Variants in SPATA6 observed in about 807,000 individuals in gnomAD.
The protein encoded by SPATA6 is spermatogenesis associated 6, also known as spermatogenesis-associated protein 6.
Under a neutral mutation model 65.3 loss-of-function variants are expected in SPATA6, and 56 were observed. That is an observed-to-expected ratio of 0.86 (90% CI 0.69 to 1.07). SPATA6 has a LOEUF of 1.07. Among genes scored for constraint, SPATA6 ranks in the 50% least tolerant of loss-of-function variants. The pLI is 0.00. For missense variants in SPATA6, 590 were observed against 594.8 expected (o/e 0.99, Z 0.08); for synonymous variants, 199 against 213.2 (o/e 0.93, Z 0.58).
At chr1:48,294,079 G>A (rs1290293085), downstream of SPATA6, among the ~76,000 whole-genome samples, 3 of 152,254 alleles carry the variant, frequency 2.0e-5, no homozygotes, top group East Asian at 5.8e-4. Context: ...TTAGAAGGAG[G>A]ATTTCTTTCT....
At chr1:48,375,827 A>G (rs1322134711) in intron 9 of SPATA6, among the ~76,000 whole-genome samples, 2 of 152,174 alleles carry the variant, frequency 1.3e-5, no homozygotes, top group Admixed American at 6.5e-5. Context: ...TTCACCAAGG[A>G]TATTTTAGAC....
At chr1:48,466,193 C>A (rs1034818250) in intron 1 of SPATA6, among the ~76,000 whole-genome samples, 10 of 151,948 alleles carry the variant, frequency 6.6e-5, no homozygotes, top group African/African-American at 2.2e-4. Context: ...GCATTAACTA[C>A]TAGTATTTAA....
At chr1:48,400,767 A>G in intron 6 of SPATA6, 1 of 1,297,120 alleles carries the variant, frequency 7.7e-7, no homozygotes, top group South Asian at 1.3e-5. Flanking sequence ...TGCATTTCAT[A>G]CAGACCAGTT....
intron 3 of SPATA6, chr1:48,436,702 A>G: frequency 6.2e-7 from 1 of 1,614,212 alleles, no homozygotes; most frequent in East Asian, 2.2e-5. Flanking sequence ...ACATGGGTAT[A>G]ATGTGAAGTC....
At chr1:48,315,191 A>G (rs1645370748) in intron 11 of SPATA6, among the ~76,000 whole-genome samples, 1 of 152,240 alleles carries the variant, frequency 6.6e-6, no homozygotes, top group Admixed American at 6.5e-5. Flanking sequence ...AACTCATTTT[A>G]TGAGGCGAGC....
chr1:48,301,660 AG>A (rs1644942221), intron 12 of SPATA6, among the ~76,000 whole-genome samples: 1 of 152,114 alleles, frequency 6.6e-6, no homozygotes, highest in Non-Finnish European at 1.5e-5. Flanking sequence ...AAAATAGCAT[AG>A]TACTGGAATA....
chr1:48,311,075 C>T (rs1645195519), intron 11 of SPATA6, among the ~76,000 whole-genome samples: 1 of 151,930 alleles, frequency 6.6e-6, no homozygotes, highest in East Asian at 1.9e-4. Context: ...GAAAATGAGG[C>T]AGTGCTTCTA....
At chr1:48,432,668 G>A (rs1405957289) in intron 3 of SPATA6, among the ~76,000 whole-genome samples, 1 of 152,126 alleles carries the variant, frequency 6.6e-6, no homozygotes, top group Non-Finnish European at 1.5e-5. Context: ...TGGAATCCTT[G>A]TGCAGTTGAA....
At chr1:48,293,911 G>A (rs1390738809), downstream of SPATA6, among the ~76,000 whole-genome samples, 4 of 152,148 alleles carry the variant, frequency 2.6e-5, no homozygotes, top group Non-Finnish European at 5.9e-5. Context: ...AATATTTTGC[G>A]AATGGGTGAA....
chr1:48,363,789 T>C (rs943749628), intron 9 of SPATA6, among the ~76,000 whole-genome samples: 8 of 151,616 alleles, frequency 5.3e-5, no homozygotes, highest in African/African-American at 1.9e-4. Flanking sequence ...TTTCTTTTTT[T>C]ATTTTTTAAA....
intron 3 of SPATA6, among the ~76,000 whole-genome samples, chr1:48,435,798 C>T (rs1654879339): frequency 6.6e-6 from 1 of 152,176 alleles, no homozygotes. Context: ...CCTCCGCGAG[C>T]AGGGCTCTGG....
intron 1 of SPATA6, among the ~76,000 whole-genome samples, chr1:48,464,793 C>A (rs1299318244): frequency 1.3e-5 from 2 of 152,084 alleles, no homozygotes; most frequent in African/African-American, 4.8e-5. Context: ...AGGGAGACAG[C>A]CCAATGGAGC....
In SPATA6 at chr1:48,440,695, G is replaced by A. The variant is rs1655375425; in HGVS notation, c.238+10857C>T. On this transcript the variant is annotated intron_variant, in intron 3 of 12. Coordinates refer to ENST00000371847, the MANE Select transcript of SPATA6 (RefSeq NM_019073.4). ...CCTTCTGCCTTCCTCGAGTGGCTAT[G>A]GGAGGCCTTAAAAAAATATACTGCC... Among the ~76,000 whole-genome samples the A allele has an allele frequency of 1.3e-5, 2 of 152,140 alleles. 1 individual carries two copies. The highest frequency in any genetic ancestry group is 4.8e-5 in the African/African-American group (2 of 41,426).
rs555564895 is a variant in SPATA6 at position 48,345,542 on chromosome 1, C to A, written c.1194+10128G>T. On this transcript the variant is annotated intron_variant, in intron 11 of 12. Transcript: ENST00000371847. Reference sequence around the variant, plus strand: ...TGACACGAAAAACCATTCAAAAGATCAACAAATCCAGGAGCTGTTTTTCTG... The same window carrying A: ...TGACACGAAAAACCATTCAAAAGATAAACAAATCCAGGAGCTGTTTTTCTG... Among the ~76,000 whole-genome samples the A allele has an allele frequency of 5.3e-5, 8 of 152,050 alleles. No homozygotes were observed. In the South Asian group the frequency reaches 1.0e-3, roughly 20 times the overall value.
chr1:48,287,588 A>G, the SPATA6 span, among the ~76,000 whole-genome samples: 4 of 148,528 alleles, frequency 2.7e-5, no homozygotes, highest in East Asian at 3.8e-4. Context: ...GGCTGTTTAA[A>G]AGAGTCTGGG....
intron 3 of SPATA6, among the ~76,000 whole-genome samples, chr1:48,447,215 G>A (rs1438476622): frequency 5.9e-5 from 9 of 152,058 alleles, no homozygotes; most frequent in Non-Finnish European, 1.0e-4. Context: ...GTAAGCTTTT[G>A]GGGGAGTCAA....
chr1:48,414,971 A>G (rs568155955), intron 3 of SPATA6, among the ~76,000 whole-genome samples: 1 of 152,136 alleles, frequency 6.6e-6, no homozygotes, highest in African/African-American at 2.4e-5. Flanking sequence ...GCTGGATAAT[A>G]TAAGCAGAAA....
chr1:48,325,361 C>G (rs1645725846), intron 11 of SPATA6: 1 of 1,368,986 alleles, frequency 7.3e-7, no homozygotes, highest in East Asian at 2.3e-5. Flanking sequence ...AGGCAAAGTT[C>G]TGCATGCGCC....
At chr1:48,443,109 A>G (rs1030237048) in intron 3 of SPATA6, among the ~76,000 whole-genome samples, 1 of 152,258 alleles carries the variant, frequency 6.6e-6, no homozygotes, top group African/African-American at 2.4e-5. Context: ...GGTCTGCTCC[A>G]ACGTGCCACT....
Sources: gnomAD v4.1 joint callset for allele counts (sites outside exome capture counted in the v4.1 genomes callset) on GRCh38, gnomAD v4.1.1 for gene constraint, MANE v1.5 for transcripts, NCBI Gene and HGNC (gene_info 2026-07-23, HGNC 2026-07-21) for gene names.